ARHGAP28: variants seen among roughly 807,000 people sequenced by gnomAD.
ARHGAP28 encodes the protein Rho GTPase activating protein 28.
ARHGAP28 carries 56 observed loss-of-function variants against 90.7 expected under a neutral mutation model. That is an observed-to-expected ratio of 0.62 (90% confidence interval 0.50 to 0.77). ARHGAP28 has a LOEUF of 0.77. Among genes scored for constraint, ARHGAP28 ranks in the 30% least tolerant of loss-of-function variants. ARHGAP28 has a pLI of 0.00. For missense variants in ARHGAP28, 869 were observed against 900.9 expected (o/e 0.96, Z 0.45); for synonymous variants, 308 against 323.3 (o/e 0.95, Z 0.51).
At chr18:6,838,465 T>C (rs12954151) in intron 3 of ARHGAP28, among the ~76,000 whole-genome samples, 51,176 of 152,142 alleles carry the variant, frequency 0.34, 10,964 homozygotes, top group Middle Eastern at 0.47. Flanking sequence ...GCGGCTCATA[T>C]AGGCCCAGTT....
intron 1 of ARHGAP28, among the ~76,000 whole-genome samples, chr18:6,772,263 T>C (rs907988829): frequency 6.6e-6 from 1 of 152,208 alleles, no homozygotes; most frequent in African/African-American, 2.4e-5. Context: ...ATCTTAATAG[T>C]ATGTTTCAAC....
intron 1 of ARHGAP28, among the ~76,000 whole-genome samples, chr18:6,739,205 G>A (rs868165308): frequency 3.3e-5 from 5 of 151,968 alleles, no homozygotes; most frequent in Non-Finnish European, 5.9e-5. Flanking sequence ...TGGATTTATT[G>A]TTTCTCTGCC....
chr18:6,791,165 G>C (rs1222116072), intron 1 of ARHGAP28: 1 of 152,278 alleles, frequency 6.6e-6, no homozygotes, highest in Admixed American at 6.6e-5. Flanking sequence ...CAGAGAGCCA[G>C]GCTGAGTCTC....
In ARHGAP28 at chr18:6,851,091, G is replaced by A. The variant is rs139451898; in HGVS notation, c.601G>A (p.Glu201Lys). Residue 201 changes from glutamate to lysine, a missense_variant, in exon 4 of 18, where the codon GAG becomes AAG. Transcript: ENST00000383472. ...NQLDGTKEERELPRVIKTSGS... is the reference protein window; with the variant it reads ...NQLDGTKEERKLPRVIKTSGS... ...GCTGGATGGCACCAAGGAAGAAAGA[G>A]AGCTTCCAAGAGTTATCAAGACAAG... 4.3e-6 allele frequency: 7 copies of A among 1,614,000 alleles called. No homozygotes were observed. The African/African-American group carries it at 6.7e-5, about 15-fold the overall frequency.
chr18:6,785,198 A>G (rs1018950769), intron 1 of ARHGAP28, among the ~76,000 whole-genome samples: 2 of 152,230 alleles, frequency 1.3e-5, no homozygotes, highest in East Asian at 1.9e-4. Flanking sequence ...GAGTCCCTGC[A>G]TAGTTCACAT....
intron 4 of ARHGAP28, among the ~76,000 whole-genome samples, chr18:6,857,588 A>G (rs2056963752): frequency 6.6e-6 from 1 of 152,164 alleles, no homozygotes; most frequent in African/African-American, 2.4e-5. Flanking sequence ...GCTTCTGACC[A>G]TGACTATCAA....
intron 1 of ARHGAP28, among the ~76,000 whole-genome samples, chr18:6,808,824 CT>C (rs1425545455): frequency 1.3e-5 from 2 of 152,192 alleles, no homozygotes; most frequent in African/African-American, 4.8e-5. Context: ...GCAGTGGGAA[CT>C]TTTGGATTAT....
intron 2 of ARHGAP28, among the ~76,000 whole-genome samples, chr18:6,832,500 A>G (rs1299195102): frequency 6.6e-6 from 1 of 152,030 alleles, no homozygotes; most frequent in Non-Finnish European, 1.5e-5. Context: ...AGTTGTTAAA[A>G]TCTCTAACTT....
intron 1 of ARHGAP28, among the ~76,000 whole-genome samples, chr18:6,768,416 G>C (rs2056216725): frequency 6.6e-6 from 1 of 152,124 alleles, no homozygotes; most frequent in Admixed American, 6.5e-5. Flanking sequence ...GAGGTCTAGA[G>C]TAGACTTTAC....
intron 2 of ARHGAP28, among the ~76,000 whole-genome samples, chr18:6,828,384 G>A (rs952156499): frequency 5.3e-5 from 8 of 151,750 alleles, no homozygotes; most frequent in South Asian, 2.1e-4. Context: ...GAGAGACAGA[G>A]GAGGAGAGAG....
intron 3 of ARHGAP28, among the ~76,000 whole-genome samples, chr18:6,844,922 C>G (rs915106871): frequency 5.3e-5 from 8 of 151,978 alleles, no homozygotes; most frequent in African/African-American, 1.9e-4. Flanking sequence ...ATAACAACAC[C>G]CACGGCAATA....
intron 1 of ARHGAP28, among the ~76,000 whole-genome samples, chr18:6,754,384 T>C (rs1412200186): frequency 6.6e-6 from 1 of 152,186 alleles, no homozygotes; most frequent in African/African-American, 2.4e-5. Context: ...AGCTCTATAC[T>C]GGGTATCATA....
At chr18:6,803,055 C>A (rs955536654) in intron 1 of ARHGAP28, among the ~76,000 whole-genome samples, 1 of 151,888 alleles carries the variant, frequency 6.6e-6, no homozygotes, top group Non-Finnish European at 1.5e-5. Flanking sequence ...TTATTTATTT[C>A]TTTCCAATCT....
chr18:6,797,313 C>T (rs1480578582), intron 1 of ARHGAP28, among the ~76,000 whole-genome samples: 1 of 152,188 alleles, frequency 6.6e-6, no homozygotes, highest in Non-Finnish European at 1.5e-5. Context: ...CACTTGGAGA[C>T]TGGAAAAGAC....
chr18:6,830,619 C>T (rs536768811), intron 2 of ARHGAP28, among the ~76,000 whole-genome samples: 2 of 152,278 alleles, frequency 1.3e-5, no homozygotes, highest in African/African-American at 4.8e-5. Context: ...TGGTTTCCAA[C>T]TTCATCCATG....
chr18:6,729,740 T>G lies in ARHGAP28; in HGVS notation c.-82T>G. The G allele has an allele frequency of 2.3e-6, 3 of 1,283,112 alleles. No individual in the cohort carries two copies. The highest frequency in any genetic ancestry group is 3.0e-4 in the Middle Eastern group (1 of 3,348). 79.5% of individuals were successfully genotyped at this position (1,283,112 alleles called of 1,614,324 possible). A position where few individuals can be genotyped will look rare whatever the true frequency, so the allele number is the denominator to read the frequency against. ...CGCACCTCGGGCCGCGCCGCCCAGC[T>G]GCTGACAGCCTCCCGGCGCGCCGGT... On this transcript the variant is annotated 5_prime_UTR_variant, in exon 1 of 18. Transcript: ENST00000383472.
At chr18:6,789,219 A>G (rs1199299446) in intron 1 of ARHGAP28, 1 of 152,102 alleles carries the variant, frequency 6.6e-6, no homozygotes, top group Non-Finnish European at 1.5e-5. Context: ...TAGAGTTGGC[A>G]CCTCAGCCTT....
At chr18:6,797,400 T>G (rs959368107) in intron 1 of ARHGAP28, among the ~76,000 whole-genome samples, 9 of 152,156 alleles carry the variant, frequency 5.9e-5, no homozygotes, top group African/African-American at 2.2e-4. Flanking sequence ...TTCAGAACAT[T>G]GTCTGAGGCT....
At chr18:6,771,710 T>C (rs2056244506) in intron 1 of ARHGAP28, among the ~76,000 whole-genome samples, 2 of 152,224 alleles carry the variant, frequency 1.3e-5, no homozygotes, top group South Asian at 4.1e-4. Context: ...AAATACCATA[T>C]GTTGTTTCTG....
Sources: gnomAD v4.1 joint callset for allele counts (sites outside exome capture counted in the v4.1 genomes callset) on GRCh38, gnomAD v4.1.1 for gene constraint, MANE v1.5 for transcripts, NCBI Gene and HGNC (gene_info 2026-07-23, HGNC 2026-07-21) for gene names.